The following NDST3 variants were observed in gnomAD, a reference collection of about 807,000 sequenced individuals.
NDST3 encodes N-deacetylase and N-sulfotransferase 3.
In NDST3, 58 loss-of-function variants were observed where a neutral mutation model predicts 96.1. The observed-to-expected ratio is 0.60, with a 90% CI of 0.49 to 0.75. The LOEUF is 0.75. Among genes scored for constraint, NDST3 ranks in the 30% least tolerant of loss-of-function variants. The probability of loss-of-function intolerance (pLI) is 0.00; values close to 1 mark genes in which losing one functional copy is unlikely to be tolerated. For missense variants in NDST3, 788 were observed against 1,034.2 expected, an observed-to-expected ratio of 0.76 and a Z score of 3.27; for synonymous variants, 333 against 359.7, an observed-to-expected ratio of 0.93 and a Z score of 0.84.
chr4:118,242,442 A>G (rs75852421), intron 12 of NDST3, among the ~76,000 whole-genome samples: 5,947 of 152,316 alleles, frequency 0.039, 176 homozygotes, highest in African/African-American at 0.085. Flanking sequence ...TCTGAAATAA[A>G]TTCGTAAAGC....
chr4:118,095,178 T>C (rs1158240208), intron 2 of NDST3, among the ~76,000 whole-genome samples: 3 of 151,538 alleles, frequency 2.0e-5, no homozygotes, highest in African/African-American at 7.3e-5. Flanking sequence ...ACCACATGAG[T>C]ATTTGGGGAG....
intron 6 of NDST3, among the ~76,000 whole-genome samples, chr4:118,157,047 T>C (rs1378967880): frequency 2.0e-5 from 3 of 152,128 alleles, no homozygotes; most frequent in African/African-American, 7.2e-5. Context: ...GTACATCAAA[T>C]AGTGGGAACA....
At chr4:118,100,063 T>A (rs1729639441) in intron 2 of NDST3, among the ~76,000 whole-genome samples, 1 of 152,052 alleles carries the variant, frequency 6.6e-6, no homozygotes, top group Non-Finnish European at 1.5e-5. Flanking sequence ...GATGCCCATA[T>A]AGCTGCTACA....
In NDST3 at chr4:118,042,529, A is replaced by G. The variant is rs191588646; in HGVS notation, c.-156+7937A>G. Among the ~76,000 whole-genome samples the G allele has an allele frequency of 2.7e-3, 416 of 152,294 alleles. 2 individuals are homozygous for G. The highest frequency in any genetic ancestry group is 9.5e-3 in the African/African-American group (393 of 41,574). On this transcript the variant is annotated intron_variant, in intron 1 of 13. Coordinates refer to ENST00000296499, the MANE Select transcript of NDST3 (RefSeq NM_004784.3). ...CTAATCATCTGTAAACACTGTCTTT[A>G]TCAAATCCCTCTGTTCAAATGCACC...
At chr4:118,119,735 A>G (rs1010082977) in intron 4 of NDST3, among the ~76,000 whole-genome samples, 5 of 152,212 alleles carry the variant, frequency 3.3e-5, no homozygotes, top group African/African-American at 1.2e-4. Context: ...GCCAGTTATT[A>G]CAATATTGAA....
rs1299154613 is a variant in NDST3, at chr4:118,085,698, CTTG to C, written c.982-19311_982-19309del. ...TGCTTCTCTTTGGGTTAGGTAGTGGCTTGTTGTTGTTATTTGTTTTTTGCTTGC... is the reference window on the plus strand; with the variant it reads ...TGCTTCTCTTTGGGTTAGGTAGTGGCTTGTTGTTATTTGTTTTTTGCTTGC... On this transcript the variant is annotated intron_variant, in intron 2 of 13. Transcript: ENST00000296499. Among the ~76,000 whole-genome samples, 9 of 152,164 alleles carry C rather than the reference CTTG, an allele frequency of 5.9e-5. No homozygotes were observed. In the East Asian group the frequency reaches 1.4e-3, roughly 23 times the overall value.
chr4:118,228,199 T>C (rs1578844461), intron 8 of NDST3, among the ~76,000 whole-genome samples: 1 of 152,346 alleles, frequency 6.6e-6, no homozygotes, highest in Admixed American at 6.5e-5. Flanking sequence ...AAAACAATAA[T>C]AAACATGACA....
chr4:118,134,132 G>A (rs1349465815), intron 4 of NDST3, among the ~76,000 whole-genome samples: 1 of 152,198 alleles, frequency 6.6e-6, no homozygotes, highest in African/African-American at 2.4e-5. Context: ...TCCAGGTGAA[G>A]ATTTGGAGTA....
At chr4:118,173,936 T>G (rs1736116019) in intron 6 of NDST3, among the ~76,000 whole-genome samples, 1 of 152,230 alleles carries the variant, frequency 6.6e-6, no homozygotes, top group Non-Finnish European at 1.5e-5. Flanking sequence ...ACTTGCTTTT[T>G]GCTTATCTAC....
intron 6 of NDST3, chr4:118,194,491 CT>C: frequency 1.4e-6 from 1 of 721,762 alleles, no homozygotes; most frequent in Admixed American, 1.8e-5. Context: ...TGTCCCAAGC[CT>C]TGTTGACCTC....
intron 5 of NDST3, among the ~76,000 whole-genome samples, chr4:118,139,980 C>A (rs1044978841): frequency 8.5e-5 from 13 of 152,178 alleles, no homozygotes; most frequent in African/African-American, 3.1e-4. Context: ...ACCTTTTAAT[C>A]TTTCTAAAAT....
intron 6 of NDST3, among the ~76,000 whole-genome samples, chr4:118,148,094 C>A (rs1474273476): frequency 3.3e-5 from 5 of 152,114 alleles, no homozygotes; most frequent in Admixed American, 2.0e-4. Context: ...GTCAGGAGAT[C>A]AAGACCATCC....
chr4:118,244,363 C>A (rs559565798), intron 12 of NDST3, among the ~76,000 whole-genome samples: 1 of 152,256 alleles, frequency 6.6e-6, no homozygotes, highest in East Asian at 1.9e-4. Context: ...ACTAGAGGTA[C>A]AAAATATATA....
At chr4:118,083,340 C>T (rs1470156319) in intron 2 of NDST3, among the ~76,000 whole-genome samples, 1 of 152,140 alleles carries the variant, frequency 6.6e-6, no homozygotes, top group Non-Finnish European at 1.5e-5. Context: ...CGATGTGTAA[C>T]TCAATTTCCT....
At chr4:118,063,026 A>G (rs2110470881) in intron 2 of NDST3, among the ~76,000 whole-genome samples, 1 of 152,146 alleles carries the variant, frequency 6.6e-6, no homozygotes, top group African/African-American at 2.4e-5. Context: ...CCCCATCTCT[A>G]CTAAAAATAC....
intron 4 of NDST3, among the ~76,000 whole-genome samples, chr4:118,132,540 CT>C (rs1732721506): frequency 6.6e-6 from 1 of 152,150 alleles, no homozygotes; most frequent in Non-Finnish European, 1.5e-5. Flanking sequence ...CCCCAAGAGC[CT>C]GCTTGTTGCT....
chr4:118,175,320 C>T (rs1421398349), intron 6 of NDST3, among the ~76,000 whole-genome samples: 11 of 151,960 alleles, frequency 7.2e-5, no homozygotes, highest in Non-Finnish European at 1.5e-4. Flanking sequence ...TTTGTCTTGC[C>T]CAGTTTTTAC....
At chr4:118,227,813 C>T (rs1468297973) in intron 8 of NDST3, among the ~76,000 whole-genome samples, 6 of 152,020 alleles carry the variant, frequency 3.9e-5, no homozygotes, top group African/African-American at 1.4e-4. Flanking sequence ...AGGGTTTCAC[C>T]GTGTTAGCCA....
chr4:118,201,753 A>G lies in NDST3; in HGVS notation c.1540-22738A>G, dbSNP rs562572326. On this transcript the variant is annotated intron_variant, in intron 6 of 13. Transcript: ENST00000296499. ...TGCAGGTTGTCTGTTTGCTTTGTTC[A>G]TAGTTTCTTTTGTTGTGCAGAAGCT... Among the ~76,000 whole-genome samples the G allele has an allele frequency of 2.0e-5, 3 of 152,090 alleles. No homozygotes were observed. In the East Asian group the frequency reaches 5.8e-4, roughly 29 times the overall value.
Sources: gnomAD v4.1 joint callset for allele counts (sites outside exome capture counted in the v4.1 genomes callset) on GRCh38, gnomAD v4.1.1 for gene constraint, MANE v1.5 for transcripts, NCBI Gene and HGNC (gene_info 2026-07-23, HGNC 2026-07-21) for gene names.